The following RNF130 variants were observed in gnomAD, a reference collection of about 807,000 sequenced individuals.
RNF130 encodes the protein ring finger protein 130.
Under a neutral mutation model 44.6 loss-of-function variants are expected in RNF130, and 21 were observed. That is an observed-to-expected ratio of 0.47 (90% CI 0.33 to 0.68). The LOEUF (loss-of-function observed/expected upper bound fraction) is 0.68, where lower values mean the gene tolerates loss of function less well. Among genes scored for constraint, RNF130 ranks in the 30% least tolerant of loss-of-function variants. The pLI, the probability that RNF130 is intolerant of heterozygous loss-of-function variation, is 0.02. For missense variants in RNF130, 479 were observed against 560.6 expected (o/e 0.85, Z 1.47); for synonymous variants, 214 against 210.4 (o/e 1.02, Z -0.15).
At chr5:179,987,857 G>A (rs185706923) in intron 3 of RNF130, among the ~76,000 whole-genome samples, 1 of 152,264 alleles carries the variant, frequency 6.6e-6, no homozygotes, top group East Asian at 1.9e-4. Context: ...TGTGTTGTTG[G>A]ATTCACTTTG....
At chr5:179,961,500 T>A (rs1183535873) in intron 8 of RNF130, among the ~76,000 whole-genome samples, 1 of 152,182 alleles carries the variant, frequency 6.6e-6, no homozygotes, top group East Asian at 1.9e-4. Flanking sequence ...ATAGGTAACA[T>A]GTCTACTGAG....
chr5:180,032,541 T>C (rs1764153716), intron 2 of RNF130, among the ~76,000 whole-genome samples: 1 of 152,218 alleles, frequency 6.6e-6, no homozygotes, highest in Non-Finnish European at 1.5e-5. Context: ...CGGCTTCTTT[T>C]TTTAAATTTG....
intron 3 of RNF130, 24 bp from the exon 4 acceptor site, chr5:179,980,224 A>G (rs752469729): frequency 1.2e-6 from 2 of 1,608,006 alleles, no homozygotes; most frequent in Non-Finnish European, 1.7e-6. Flanking sequence ...AAATAAAAAC[A>G]GATACTAAGT....
chr5:179,956,522 G>A (rs1762214927), intron 8 of RNF130: 1 of 152,470 alleles, frequency 6.6e-6, no homozygotes, highest in Non-Finnish European at 1.5e-5. Flanking sequence ...AGGCCTTAGA[G>A]CCCATTACCA....
At chr5:180,021,295 A>G (rs1480342283) in intron 2 of RNF130, among the ~76,000 whole-genome samples, 1 of 152,128 alleles carries the variant, frequency 6.6e-6, no homozygotes, top group East Asian at 1.9e-4. Context: ...GCCAAAATCT[A>G]AATTTCTAAA....
chr5:180,062,611 T>A lies in RNF130; in HGVS notation c.247+8845A>T, dbSNP rs946275846. Among the ~76,000 whole-genome samples the A allele has an allele frequency of 2.0e-5, 3 of 152,218 alleles. No homozygotes were observed. The East Asian group carries it at 5.8e-4, about 29-fold the overall frequency. On this transcript the variant is annotated intron_variant, in intron 1 of 8. Transcript: ENST00000521389. ...AGAATGGTCAAAATAAATAGGGATATGAAGCCTAAAGGTTAGAGGACTTGA... is the reference window on the plus strand; with the variant it reads ...AGAATGGTCAAAATAAATAGGGATAAGAAGCCTAAAGGTTAGAGGACTTGA...
At chr5:180,022,602 C>T (rs1406766229) in intron 2 of RNF130, among the ~76,000 whole-genome samples, 4 of 152,118 alleles carry the variant, frequency 2.6e-5, no homozygotes, top group Non-Finnish European at 5.9e-5. Flanking sequence ...GTTTGGAAGC[C>T]ACGGCACACA....
At chr5:179,957,567 TG>T (rs1365200303) in intron 8 of RNF130, among the ~76,000 whole-genome samples, 1 of 152,198 alleles carries the variant, frequency 6.6e-6, no homozygotes, top group Non-Finnish European at 1.5e-5. Context: ...TCCTCCTCTC[TG>T]AAGTAGTCAA....
intron 3 of RNF130, among the ~76,000 whole-genome samples, chr5:179,996,831 T>C (rs985296023): frequency 2.6e-5 from 4 of 152,204 alleles, no homozygotes; most frequent in Non-Finnish European, 4.4e-5. Flanking sequence ...GCCTTGTGGA[T>C]TGAGTTCAGA....
rs746700478 is a variant in RNF130, at chr5:180,013,299, A to G, written c.455T>C (p.Ile152Thr). The G allele has an allele frequency of 2.6e-5, 42 of 1,610,712 alleles. 1 individual carries two copies. The South Asian group carries it at 4.3e-4, about 16-fold the overall frequency. The change falls in exon 3 of 9, where the codon ATT becomes ACT. Residue 152 changes from isoleucine to threonine, a missense_variant. Ile to Thr is a moderately conservative substitution (Grantham distance 89). Around this residue, in one of 3 missense-constraint regions of RNF130, gnomAD observed 180 missense variants for 275.1 expected, o/e 0.65. Transcript: ENST00000521389. Reference protein sequence around the residue: ...VTMTHPGTGDIIAVMITELRG... With the variant: ...VTMTHPGTGDTIAVMITELRG... ...CAATTCTGTTATCATGACAGCAATA[A>G]TATCTCCAGTGCCTGCAATATAAAA...
intron 1 of RNF130, among the ~76,000 whole-genome samples, chr5:180,047,272 TTC>T (rs891155224): frequency 1.6e-4 from 24 of 152,222 alleles, no homozygotes; most frequent in Non-Finnish European, 3.1e-4. Flanking sequence ...AATTCATCAT[TTC>T]TGTTATCAAT....
chr5:179,969,683 T>C (rs184813262), intron 6 of RNF130, among the ~76,000 whole-genome samples: 11 of 151,514 alleles, frequency 7.3e-5, no homozygotes, highest in Non-Finnish European at 1.3e-4. Flanking sequence ...CCTGAACATC[T>C]TGTCTCTTCA....
chr5:179,935,130 T>C (rs992805930), intron 7 of RNF130, among the ~76,000 whole-genome samples: 47 of 152,370 alleles, frequency 3.1e-4, no homozygotes, highest in African/African-American at 1.1e-3. Flanking sequence ...TGGAAGTATA[T>C]TGTTTAATTC....
chr5:179,937,933 T>TGAGAGA (rs3078901), intron 7 of RNF130, among the ~76,000 whole-genome samples: 81 of 116,282 alleles, frequency 7.0e-4, no homozygotes, highest in East Asian at 2.0e-3. Context: ...TGTGTGTGTG[T>TGAGAGA]GAGAGAGAGA....
At chr5:180,054,253 C>A (rs1175285689) in intron 1 of RNF130, among the ~76,000 whole-genome samples, 1 of 152,126 alleles carries the variant, frequency 6.6e-6, no homozygotes, top group Non-Finnish European at 1.5e-5. Context: ...TTTGTAACGA[C>A]CCAGCTTTCT....
At chr5:179,995,623 T>C (rs955070164) in intron 3 of RNF130, among the ~76,000 whole-genome samples, 4 of 152,208 alleles carry the variant, frequency 2.6e-5, no homozygotes, top group African/African-American at 7.2e-5. Flanking sequence ...GGTTGTTCCT[T>C]CTCAATGTCT....
At chr5:179,928,831 G>A (rs938943414) in intron 7 of RNF130, among the ~76,000 whole-genome samples, 5 of 151,816 alleles carry the variant, frequency 3.3e-5, no homozygotes, top group Admixed American at 6.6e-5. Flanking sequence ...GGTTTCAACC[G>A]TGTTAGCCAG....
intron 6 of RNF130, among the ~76,000 whole-genome samples, chr5:179,969,214 C>T (rs538890711): frequency 6.6e-6 from 1 of 152,132 alleles, no homozygotes; most frequent in African/African-American, 2.4e-5. Context: ...CAAGGGCTAA[C>T]GAAGGTCCTT....
At chr5:179,971,837 ACATT>A (rs1026357110) in intron 5 of RNF130, among the ~76,000 whole-genome samples, 3 of 152,240 alleles carry the variant, frequency 2.0e-5, no homozygotes, top group Non-Finnish European at 4.4e-5. Context: ...TCTGGAACAA[ACATT>A]CATGCTTACA....
Sources: gnomAD v4.1 joint callset for allele counts (sites outside exome capture counted in the v4.1 genomes callset) on GRCh38, gnomAD v4.1.1 for gene constraint, gnomAD v4.1.1 regional missense constraint, MANE v1.5 for transcripts, NCBI Gene and HGNC (gene_info 2026-07-23, HGNC 2026-07-21) for gene names.